The following NWD1 variants were observed in gnomAD, a reference collection of about 807,000 sequenced individuals.
NWD1 encodes the protein NACHT domain- and WD repeat-containing protein 1.
Under a neutral mutation model 135.1 loss-of-function variants are expected in NWD1, and 129 were observed. The ratio of observed to expected loss-of-function variants is 0.96; its 90% CI spans 0.83 to 1.11. NWD1 has a LOEUF of 1.11. Among genes scored for constraint, NWD1 ranks in the 50% least tolerant of loss-of-function variants. NWD1 has a pLI of 0.00. For synonymous variants in NWD1, 773 were observed against 786.0 expected, an observed-to-expected ratio of 0.98 and a Z score of 0.28; for missense variants, 1,740 against 1,851.3, an observed-to-expected ratio of 0.94 and a Z score of 1.10.
In NWD1 at chr19:16,787,792, A is replaced by G. The variant is rs1259417763; in HGVS notation, c.2732-1190A>G. Among the ~76,000 whole-genome samples the G allele has an allele frequency of 4.7e-5, 7 of 150,410 alleles. No individual in the cohort carries two copies. In the East Asian group the frequency reaches 1.4e-3, roughly 30 times the overall value. Reference sequence around the variant, plus strand: ...TGAGAATTGCTTGAACCCATGAGACACAGGTTGCAGTGAGCCAAGATTATG... The same window carrying G: ...TGAGAATTGCTTGAACCCATGAGACGCAGGTTGCAGTGAGCCAAGATTATG... On this transcript the variant is annotated intron_variant, in intron 12 of 18. Transcript: ENST00000524140.
intron 5 of NWD1, among the ~76,000 whole-genome samples, chr19:16,746,341 CAG>C (rs1968314271): frequency 6.6e-6 from 1 of 151,030 alleles, no homozygotes; most frequent in African/African-American, 2.4e-5. Context: ...GTCTGGGTGA[CAG>C]AGTGAGACCC....
intron 9 of NWD1, 25 bp downstream of exon 9, chr19:16,763,970 G>GTA: frequency 2.8e-6 from 4 of 1,408,660 alleles, no homozygotes; most frequent in Non-Finnish European, 2.0e-6. Context: ...CCATCTCAGA[G>GTA]GACCGAGCCT....
At position 16,789,048 on chromosome 19, in the gene NWD1, C is replaced by T. The variant is rs144463947; in HGVS notation, c.2798C>T (p.Thr933Met). Residue 933 changes from threonine (T) to methionine (M), a missense_variant, in exon 13 of 19, where the codon ACG becomes ATG. By Grantham distance (81) the Thr-to-Met change is moderately conservative. Coordinates refer to ENST00000524140, the MANE Select transcript of NWD1 (RefSeq NM_001007525.5). ...TLANSASKDY[T>M]LHLWNLLSGQ... Reference sequence around the variant, plus strand: ...GCCAACTCTGCTTCAAAGGATTACACGCTGCACTTGTGGAACTTACTCTCT... The same window carrying T: ...GCCAACTCTGCTTCAAAGGATTACATGCTGCACTTGTGGAACTTACTCTCT... 9.1e-5 allele frequency: 146 copies of T among 1,613,068 alleles called. No homozygotes were observed. Among genetic ancestry groups the T allele is most frequent in the African/African-American group, 3.2e-4 (24 of 74,864 alleles).
At chr19:16,807,035 A>T (rs1354467912) in intron 17 of NWD1, among the ~76,000 whole-genome samples, 1 of 151,818 alleles carries the variant, frequency 6.6e-6, no homozygotes, top group African/African-American at 2.4e-5. Flanking sequence ...AAAAAATAAA[A>T]AAATTAGTAG....
In NWD1 at chr19:16,749,658, T is replaced by C; in HGVS notation, c.1016T>C (p.Leu339Pro). 2 of 1,602,540 alleles carry C rather than the reference T, an allele frequency of 1.2e-6. No individual in the cohort carries two copies. Among genetic ancestry groups the C allele is most frequent in the Non-Finnish European group, 1.7e-6 (2 of 1,172,384 alleles). The change falls in exon 6 of 19, where the codon CTC (leucine) becomes CCC (proline). Residue 339 changes from leucine (L) to proline (P), a missense_variant. Leu to Pro is a moderately conservative substitution (Grantham distance 98). Coordinates refer to ENST00000524140, the MANE Select transcript of NWD1 (RefSeq NM_001007525.5). Reference sequence around the variant, plus strand: ...AGCAAGCAGCACACCCCCCTGGTACTCTTTGGGCCCCCAGGCATTGGAAAG... The same window carrying C: ...AGCAAGCAGCACACCCCCCTGGTACCCTTTGGGCCCCCAGGCATTGGAAAG... ...DDSKQHTPLV[L>P]FGPPGIGKTA...
At chr19:16,813,435 T>C (rs1346301858) in intron 18 of NWD1, among the ~76,000 whole-genome samples, 1 of 152,120 alleles carries the variant, frequency 6.6e-6, no homozygotes, top group East Asian at 1.9e-4. Context: ...TATTTCATTC[T>C]TTGCCCCCGC....
At chr19:16,751,150 G>A (rs1968560761) in intron 6 of NWD1, among the ~76,000 whole-genome samples, 1 of 151,584 alleles carries the variant, frequency 6.6e-6, no homozygotes, top group African/African-American at 2.4e-5. Flanking sequence ...CTTGAATCCG[G>A]GAGGTGGAGG....
chr19:16,794,317 G>A (rs1413971705), intron 14 of NWD1, 146 bp from the exon 15 acceptor site: 1 of 526,152 alleles, frequency 1.9e-6, no homozygotes. Context: ...AGTGAGCCAA[G>A]ATCATACCAC....
At chr19:16,763,995 G>C in intron 9 of NWD1, 50 bp downstream of exon 9, 1 of 1,103,740 alleles carries the variant, frequency 9.1e-7, no homozygotes, top group South Asian at 1.2e-5. Flanking sequence ...ACTGCACCAC[G>C]CTCCAGTCTT....
In NWD1 at chr19:16,765,145, G is replaced by T; in HGVS notation, c.2363G>T (p.Arg788Leu). 2 of 1,614,112 alleles carry T rather than the reference G, an allele frequency of 1.2e-6. No individual in the cohort carries two copies. The highest frequency in any genetic ancestry group is 8.5e-7 in the Non-Finnish European group (1 of 1,180,006). ...GACTCCCCTGAGGTTGGCCTGGTCC[G>T]TGAAGCCCTCCAGCTCTGCCGCCCT... ...HLDSPEVGLV[R>L]EALQLCRPAV... is the part of the protein sequence containing the mutation. Residue 788 changes from arginine (R) to leucine (L), a missense_variant, in exon 10 of 19, where the codon CGT (arginine) becomes CTT (leucine). Transcript: ENST00000524140.
chr19:16,792,405 G>A (rs759395387), intron 14 of NWD1, among the ~76,000 whole-genome samples: 2 of 151,956 alleles, frequency 1.3e-5, no homozygotes, highest in African/African-American at 2.4e-5. Flanking sequence ...GACCAGGCAC[G>A]GTGGCTCACA....
chr19:16,762,939 G>A (rs1037315713), intron 8 of NWD1, among the ~76,000 whole-genome samples: 2 of 151,424 alleles, frequency 1.3e-5, no homozygotes, highest in Non-Finnish European at 2.9e-5. Flanking sequence ...GTGTGCCACT[G>A]CACCTGGCTA....
chr19:16,735,823 AAGGAAAGAAGGAAGGAAG>A (rs1568337274), intron 3 of NWD1, among the ~76,000 whole-genome samples: 25 of 59,236 alleles, frequency 4.2e-4, no homozygotes, highest in African/African-American at 2.0e-3. Context: ...GGAAGGAAGG[AAGGAAAGAAGGAAGGAAG>A]GAAGGAAGGA....
At position 16,744,599 on chromosome 19, in the gene NWD1, C is replaced by A. The variant is rs1426347263; in HGVS notation, c.377C>A (p.Thr126Asn). ...PPTYVLQAPG[T>N]GEACEPEEAT... Reference sequence around the variant, plus strand: ...ACCTACGTCCTGCAGGCACCAGGTACTGGGGAGGCCTGTGAACCAGAGGAG... The same window carrying A: ...ACCTACGTCCTGCAGGCACCAGGTAATGGGGAGGCCTGTGAACCAGAGGAG... The change falls in exon 5 of 19, where the codon ACT becomes AAT. Residue 126 changes from threonine to asparagine, a missense_variant. Transcript: ENST00000524140. 7 of 1,534,946 alleles carry A rather than the reference C, an allele frequency of 4.6e-6. No homozygotes were observed. The highest frequency in any genetic ancestry group is 6.1e-6 in the Non-Finnish European group (7 of 1,146,300).
chr19:16,771,685 CCCCAGCA>C (rs1394846965), intron 10 of NWD1, among the ~76,000 whole-genome samples: 2 of 152,110 alleles, frequency 1.3e-5, no homozygotes, highest in African/African-American at 4.8e-5. Context: ...CCTGTGGCTC[CCCCAGCA>C]CAAGGAGGAG....
At chr19:16,754,464 C>A (rs1277584501) in intron 6 of NWD1, among the ~76,000 whole-genome samples, 2 of 44,734 alleles carry the variant, frequency 4.5e-5, no homozygotes, top group Admixed American at 1.6e-4. Context: ...TCTCTATTTT[C>A]CATCCATCCA....
intron 6 of NWD1, among the ~76,000 whole-genome samples, chr19:16,753,385 G>A (rs1479334720): frequency 3.9e-5 from 6 of 152,166 alleles, no homozygotes; most frequent in Non-Finnish European, 5.9e-5. Flanking sequence ...TGGCGGGGGA[G>A]GTGGTTTATA....
intron 9 of NWD1, among the ~76,000 whole-genome samples, chr19:16,764,713 A>T (rs1463217234): frequency 6.6e-6 from 1 of 151,640 alleles, no homozygotes; most frequent in Non-Finnish European, 1.5e-5. Flanking sequence ...CTCTCTATCC[A>T]TCCATTCACC....
At position 16,719,994 on chromosome 19, in the gene NWD1, G is replaced by A. The variant is rs1282167493; in HGVS notation, c.-404G>A. The A allele has an allele frequency of 1.3e-5, 2 of 152,194 alleles. No homozygotes were observed. The highest frequency in any genetic ancestry group is 6.6e-5 in the Admixed American group (1 of 15,252). 9.4% of individuals were successfully genotyped at this position (152,194 alleles called of 1,614,324 possible). A position where few individuals can be genotyped will look rare whatever the true frequency, so the allele number is the denominator to read the frequency against. On this transcript the variant is annotated 5_prime_UTR_variant, in exon 1 of 19. Coordinates refer to ENST00000524140, the MANE Select transcript of NWD1 (RefSeq NM_001007525.5). ...TTCCCCAGAGGAGTCTAAATTGGTCGTTCAACTACCAGCAAAGGCTAAAGA... is the reference window on the plus strand; with the variant it reads ...TTCCCCAGAGGAGTCTAAATTGGTCATTCAACTACCAGCAAAGGCTAAAGA...
Sources: gnomAD v4.1 joint callset for allele counts (sites outside exome capture counted in the v4.1 genomes callset) on GRCh38, gnomAD v4.1.1 for gene constraint, MANE v1.5 for transcripts, NCBI Gene and HGNC (gene_info 2026-07-23, HGNC 2026-07-21) for gene names.